Variants in EEIG2 observed in about 807,000 individuals in gnomAD.
EEIG2 encodes EEIG family member 2, also known as family with sequence similarity 102 member B.
chr1:108,624,650 C>G, the EEIG2 span: 2 of 1,613,336 alleles, frequency 1.2e-6, no homozygotes, highest in Non-Finnish European at 8.5e-7. Flanking sequence ...TACAGGCCTC[C>G]CTCCACTTCA....
chr1:108,627,600 A>T, the EEIG2 span: 1 of 152,326 alleles, frequency 6.6e-6, no homozygotes, highest in African/African-American at 2.4e-5. Flanking sequence ...TCACTTTCTT[A>T]AGAACTTTTA....
chr1:108,591,402 A>C, the EEIG2 span, among the ~76,000 whole-genome samples: 1,191 of 152,342 alleles, frequency 7.8e-3, 15 homozygotes, highest in African/African-American at 0.027. Flanking sequence ...TGAGAATCCA[A>C]GGCTATTTTG....
the EEIG2 span, among the ~76,000 whole-genome samples, chr1:108,570,113 A>C: frequency 2.8e-3 from 420 of 152,298 alleles, no homozygotes; most frequent in African/African-American, 9.7e-3. Flanking sequence ...TAAACTCAAG[A>C]ATAGGTAGAA....
chr1:108,578,625 C>G, the EEIG2 span, among the ~76,000 whole-genome samples: 1 of 151,774 alleles, frequency 6.6e-6, no homozygotes, highest in Non-Finnish European at 1.5e-5. Flanking sequence ...TATATTGACC[C>G]AGCCTTGCAT....
the EEIG2 span, among the ~76,000 whole-genome samples, chr1:108,612,477 A>G: frequency 6.6e-6 from 1 of 152,216 alleles, no homozygotes; most frequent in African/African-American, 2.4e-5. Context: ...AAAAGTAACA[A>G]ATGTTCACCT....
the EEIG2 span, chr1:108,635,332 A>G: frequency 1.5e-6 from 1 of 679,186 alleles, no homozygotes; most frequent in Non-Finnish European, 2.5e-6. Context: ...GGGAACATCT[A>G]CATGGCAGTC....
chr1:108,584,753 C>T, the EEIG2 span, among the ~76,000 whole-genome samples: 4 of 152,234 alleles, frequency 2.6e-5, no homozygotes, highest in South Asian at 4.1e-4. Context: ...TAAAGTATCA[C>T]GTCTGTGTAC....
chr1:108,601,330 A>G, the EEIG2 span, among the ~76,000 whole-genome samples: 616 of 152,142 alleles, frequency 4.0e-3, 1 homozygote, highest in African/African-American at 0.014. Context: ...AAAATAATAC[A>G]TATAATGGTC....
At chr1:108,604,236 G>T in the EEIG2 span, among the ~76,000 whole-genome samples, 7 of 152,178 alleles carry the variant, frequency 4.6e-5, no homozygotes, top group Non-Finnish European at 2.9e-5. Context: ...GCCTTATGAA[G>T]AGTTTAGATC....
At chr1:108,596,947 C>G in the EEIG2 span, among the ~76,000 whole-genome samples, 3 of 152,110 alleles carry the variant, frequency 2.0e-5, no homozygotes, top group Non-Finnish European at 4.4e-5. Flanking sequence ...CCAGGCTGGT[C>G]TCAAACTCCT....
chr1:108,589,946 A>G, the EEIG2 span, among the ~76,000 whole-genome samples: 44 of 151,912 alleles, frequency 2.9e-4, no homozygotes, highest in East Asian at 8.1e-3. Flanking sequence ...TTGAGCCATC[A>G]TGTGCAGCCT....
At chr1:108,576,070 C>T in the EEIG2 span, among the ~76,000 whole-genome samples, 1 of 152,136 alleles carries the variant, frequency 6.6e-6, no homozygotes. Flanking sequence ...TGTTCTCAAA[C>T]TCCCGGGTTC....
chr1:108,569,762 A>C, the EEIG2 span, among the ~76,000 whole-genome samples: 1 of 152,114 alleles, frequency 6.6e-6, no homozygotes, highest in African/African-American at 2.4e-5. Flanking sequence ...TTATGTGTGC[A>C]TTTGTGTCTC....
At chr1:108,606,884 A>C in the EEIG2 span, among the ~76,000 whole-genome samples, 4 of 152,176 alleles carry the variant, frequency 2.6e-5, no homozygotes, top group South Asian at 8.3e-4. Flanking sequence ...GCTAGTCTTG[A>C]ACTCCTGGCC....
At chr1:108,577,897 C>G in the EEIG2 span, among the ~76,000 whole-genome samples, 21 of 151,554 alleles carry the variant, frequency 1.4e-4, no homozygotes, top group Non-Finnish European at 2.9e-4. Flanking sequence ...GGCAGTATGG[C>G]CTTTTTCACG....
chr1:108,613,853 A>G, the EEIG2 span, among the ~76,000 whole-genome samples: 3 of 152,148 alleles, frequency 2.0e-5, no homozygotes, highest in East Asian at 3.9e-4. Flanking sequence ...CTGATCTTCT[A>G]TGAGTCTAAG....
chr1:108,586,401 C>T, the EEIG2 span, among the ~76,000 whole-genome samples: 1 of 151,560 alleles, frequency 6.6e-6, no homozygotes, highest in East Asian at 1.9e-4. Context: ...TAGATCCAGA[C>T]AACATATGTT....
the EEIG2 span, among the ~76,000 whole-genome samples, chr1:108,606,444 ATATTATTCTT>A: frequency 6.6e-6 from 1 of 152,200 alleles, no homozygotes; most frequent in Non-Finnish European, 1.5e-5. Context: ...TGATTATGGA[ATATTATTCTT>A]TAGATTCAGC....
the EEIG2 span, among the ~76,000 whole-genome samples, chr1:108,568,014 A>G: frequency 1.3e-5 from 2 of 152,140 alleles, no homozygotes; most frequent in African/African-American, 4.8e-5. Flanking sequence ...AAAAGAAAAG[A>G]AAACAAAAGA....
Sources: gnomAD v4.1 joint callset for allele counts (sites outside exome capture counted in the v4.1 genomes callset) on GRCh38, gnomAD v4.1.1 for gene constraint, MANE v1.5 for transcripts, NCBI Gene and HGNC (gene_info 2026-07-23, HGNC 2026-07-21) for gene names.